MAP7D3: variants seen among roughly 807,000 people sequenced by gnomAD.
MAP7D3 encodes the protein MAP7 domain-containing protein 3.
MAP7D3 carries 45 observed loss-of-function variants against 62.2 expected under a neutral mutation model. The ratio of observed to expected loss-of-function variants is 0.72; its 90% CI spans 0.57 to 0.93. The LOEUF is 0.93. Ranked by LOEUF, MAP7D3 falls within the 40% of genes least tolerant of loss-of-function variation. The pLI is 0.00. For synonymous variants in MAP7D3, 288 were observed against 248.8 expected (o/e 1.16, Z -1.48); for missense variants, 711 against 683.1 (o/e 1.04, Z -0.45).
At chrX:136,228,272 A>G (rs1038539835) in intron 11 of MAP7D3, among the ~76,000 whole-genome samples, 3 of 112,220 alleles carry the variant, frequency 2.7e-5, no homozygotes, top group African/African-American at 6.5e-5. Flanking sequence ...TCTTTTAAAT[A>G]AAGGGCTGAC....
intron 14 of MAP7D3, among the ~76,000 whole-genome samples, chrX:136,222,812 T>C (rs1418372592): frequency 9.3e-6 from 1 of 107,751 alleles, no homozygotes; most frequent in East Asian, 2.9e-4. Flanking sequence ...AGTCAGTGAA[T>C]AGCTAAAAAG....
Position 136,230,863 on chromosome X carries a change from C to T in MAP7D3, c.1517G>A (p.Gly506Asp). 1 of 1,208,036 alleles carries T rather than the reference C, an allele frequency of 8.3e-7. No homozygotes were observed. Among genetic ancestry groups the T allele is most frequent in the Admixed American group, 2.2e-5 (1 of 45,783 alleles). ...CTTAGTGCTGATGGGAGACGGCAGA[C>T]CACAAGCATTTTCAGGAGATGATGA... ...KWSSSPENAC[G>D]LPSPISTNRQ... is the part of the protein sequence containing the mutation. The change falls in exon 9 of 19, where the codon GGT becomes GAT. Residue 506 changes from glycine (G) to aspartate (D), a missense_variant. Physicochemically the swap from Gly to Asp is moderately conservative, Grantham distance 94. Coordinates refer to ENST00000316077, the MANE Select transcript of MAP7D3 (RefSeq NM_024597.4).
In MAP7D3 at chrX:136,219,422, T is replaced by G; in HGVS notation, c.*8A>C. ...CCCAAATGAGGAGAAACAGGTTTGCTTCTTCTCTTATTGTCTAAAGGTGTC... is the reference window on the plus strand; with the variant it reads ...CCCAAATGAGGAGAAACAGGTTTGCGTCTTCTCTTATTGTCTAAAGGTGTC... On this transcript the variant is annotated 3_prime_UTR_variant, in exon 18 of 19. Transcript: ENST00000316077. The G allele has an allele frequency of 8.4e-7, 1 of 1,187,825 alleles. No homozygotes were observed. The highest frequency in any genetic ancestry group is 1.1e-6 in the Non-Finnish European group (1 of 877,152).
rs1391637460 is a variant in MAP7D3 at position 136,225,995 on chromosome X, T to C, written c.2053A>G (p.Lys685Glu). The change falls in exon 13 of 19, where the codon AAA becomes GAA. Residue 685 changes from lysine (K) to glutamate (E), a missense_variant. By Grantham distance (56) the Lys-to-Glu change is moderately conservative. Coordinates refer to ENST00000316077, the MANE Select transcript of MAP7D3 (RefSeq NM_024597.4). The part of the protein sequence containing the change: ...APLQKGDAKI[K>E]AQEEADKRKK... ...CGTTTGTCAGCTTCCTCTTGAGCTT[T>C]TATTTTGGCGTCCCCTTTCTAGGAA... 1 of 1,194,874 alleles carries C rather than the reference T, an allele frequency of 8.4e-7. No individual in the cohort carries two copies. Among genetic ancestry groups the C allele is most frequent in the Non-Finnish European group, 1.1e-6 (1 of 885,665 alleles).
chrX:136,223,776 C>G (rs1202412658), intron 14 of MAP7D3, among the ~76,000 whole-genome samples: 3 of 111,257 alleles, frequency 2.7e-5, no homozygotes, highest in Admixed American at 9.6e-5. Flanking sequence ...GTGGCTCAAG[C>G]CTGCAATCCC....
At chrX:136,219,231 C>G (rs939936702) in intron 18 of MAP7D3, among the ~76,000 whole-genome samples, 167 bp downstream of exon 18, 1 of 112,082 alleles carries the variant, frequency 8.9e-6, no homozygotes, top group African/African-American at 3.2e-5. Flanking sequence ...TTTCTCAAAA[C>G]CAACTTAATG....
chrX:136,251,468 CGG>C, upstream of MAP7D3: 3 of 122,735 alleles, frequency 2.4e-5, no homozygotes, highest in South Asian at 1.2e-3. Context: ...CGGGGCGGGG[CGG>C]GGCGGGGCGG....
In MAP7D3 at chrX:136,234,890, A is replaced by T. The variant is rs73633453; in HGVS notation, c.736+1354T>A. 5.4e-3 allele frequency among the ~76,000 whole-genome samples: 606 copies of T among 111,837 alleles called. 4 individuals carry two copies. The highest frequency in any genetic ancestry group is 0.019 in the African/African-American group (579 of 30,811). ...GAACAAATCCAAAGGATTCCATTGG[A>T]GGTCTCACAAATGCAAAGCAAGAAA... On this transcript the variant is annotated intron_variant, in intron 7 of 18. Transcript: ENST00000316077.
chrX:136,244,787 C>A lies in MAP7D3; in HGVS notation c.262G>T (p.Glu88Ter). The change falls in exon 4 of 19, where the codon GAA becomes TAA. Residue 88 changes from glutamate to a stop codon, truncating the protein, a stop_gained. Coordinates refer to ENST00000316077, the MANE Select transcript of MAP7D3 (RefSeq NM_024597.4). LOFTEE classifies it high-confidence loss of function. ...CTTTCTTTTTCAAGTAGTTGTGTTT[C>A]TTTATTGGCTGAAATATTCCAAATA... ...EKRRQQDANK[E>*]TQLLEKERKT... 1 of 1,184,492 alleles carries A rather than the reference C, an allele frequency of 8.4e-7. No homozygotes were observed. Among genetic ancestry groups the A allele is most frequent in the Non-Finnish European group, 1.1e-6 (1 of 880,338 alleles).
intron 6 of MAP7D3, among the ~76,000 whole-genome samples, chrX:136,239,485 A>T (rs1467287873): frequency 2.7e-5 from 3 of 112,246 alleles, no homozygotes; most frequent in African/African-American, 9.7e-5. Flanking sequence ...ATCATGATCC[A>T]TCTATCAAAT....
chrX:136,243,357 G>C (rs184734334), intron 4 of MAP7D3, among the ~76,000 whole-genome samples: 1 of 111,853 alleles, frequency 8.9e-6, no homozygotes, highest in East Asian at 2.8e-4. Flanking sequence ...GGCAGAAAAA[G>C]GCCAGAGTCA....
chrX:136,216,359 TAAA>T (rs58245551), downstream of MAP7D3, among the ~76,000 whole-genome samples: 1 of 25,504 alleles, frequency 3.9e-5, no homozygotes, highest in Non-Finnish European at 6.1e-5. Flanking sequence ...ACCCTATCTC[TAAA>T]AAAAAAAAAA....
chrX:136,232,302 G>A (rs2074281498), intron 7 of MAP7D3, 82 bp from the exon 8 acceptor site: 2 of 642,274 alleles, frequency 3.1e-6, no homozygotes, highest in Non-Finnish European at 4.8e-6. Context: ...TATAAGAACA[G>A]GAACACAGAA....
chrX:136,219,542 A>T (rs1259707297), intron 17 of MAP7D3, 47 bp from the exon 18 acceptor site: 1 of 1,166,678 alleles, frequency 8.6e-7, no homozygotes, highest in Non-Finnish European at 1.2e-6. Flanking sequence ...TGACTTAAAC[A>T]ATGTTGGTGA....
intron 5 of MAP7D3, 144 bp downstream of exon 5, chrX:136,241,016 G>T (rs952214700): frequency 2.9e-6 from 1 of 345,410 alleles, no homozygotes; most frequent in Admixed American, 5.4e-5. Flanking sequence ...AATGGCATAT[G>T]ACAGAAATTT....
intron 7 of MAP7D3, among the ~76,000 whole-genome samples, chrX:136,233,452 T>C (rs2074294448): frequency 9.3e-6 from 1 of 107,280 alleles, no homozygotes; most frequent in Admixed American, 1.0e-4. Context: ...TTTTGTATTT[T>C]TAGTAGAGAC....
Position 136,228,724 on chromosome X carries a change from A to C in MAP7D3, c.1785T>G (p.Asn595Lys), listed in dbSNP as rs773272011. ...TCAAAATTTTTGTTGCCGCCTCGGC[A>C]TTCATAATACCTGCAGTACTCTTAT... ...SGNKSTAGIM[N>K]AEAATKILTE... Residue 595 changes from asparagine to lysine, a missense_variant, in exon 11 of 19, where the codon AAT (asparagine) becomes AAG (lysine). Transcript: ENST00000316077. The C allele has an allele frequency of 8.3e-7, 1 of 1,205,705 alleles. No individual in the cohort carries two copies. Among genetic ancestry groups the C allele is most frequent in the South Asian group, 1.8e-5 (1 of 56,298 alleles).
At chrX:136,251,249 G>A in intron 1 of MAP7D3, 40 bp downstream of exon 1, 1 of 1,091,696 alleles carries the variant, frequency 9.2e-7, no homozygotes, top group Non-Finnish European at 1.2e-6. Flanking sequence ...TGCCTCCCAC[G>A]CGGGCCCGAA....
intron 16 of MAP7D3, among the ~76,000 whole-genome samples, chrX:136,220,527 T>C (rs753971765): frequency 3.6e-4 from 41 of 112,391 alleles, no homozygotes; most frequent in Admixed American, 8.5e-4. Flanking sequence ...TAGCAGGATA[T>C]TGGGCAAATA....
Sources: gnomAD v4.1 joint callset for allele counts (sites outside exome capture counted in the v4.1 genomes callset) on GRCh38, gnomAD v4.1.1 for gene constraint, MANE v1.5 for transcripts, NCBI Gene and HGNC (gene_info 2026-07-23, HGNC 2026-07-21) for gene names.